The following PAM variants were observed in gnomAD, a reference collection of about 807,000 sequenced individuals.
The protein encoded by PAM is peptidylglycine alpha-amidating monooxygenase.
Under a neutral mutation model 122.1 loss-of-function variants are expected in PAM, and 72 were observed. The observed-to-expected ratio is 0.59, with a 90% confidence interval of 0.49 to 0.72. The LOEUF is 0.72. Among genes scored for constraint, PAM ranks in the 30% least tolerant of loss-of-function variants. The probability of loss-of-function intolerance (pLI) is 0.00; values close to 1 mark genes in which losing one functional copy is unlikely to be tolerated. For synonymous variants in PAM, 389 were observed against 404.4 expected, an observed-to-expected ratio of 0.96 and a Z score of 0.46; for missense variants, 1,106 against 1,183.7, an observed-to-expected ratio of 0.93 and a Z score of 0.96.
At chr5:102,895,780 C>G (rs747955512) in intron 3 of PAM, 2 of 151,600 alleles carry the variant, frequency 1.3e-5, no homozygotes, top group African/African-American at 2.4e-5. Context: ...CATTGAGGAG[C>G]CTTTGCTGTT....
chr5:102,968,144 A>C (rs2150352048), intron 14 of PAM, among the ~76,000 whole-genome samples: 1 of 152,328 alleles, frequency 6.6e-6, no homozygotes, highest in Admixed American at 6.5e-5. Flanking sequence ...ACAAAGAGAA[A>C]CCCAGTTAAA....
At chr5:102,881,065 T>G (rs914252174) in intron 3 of PAM, among the ~76,000 whole-genome samples, 5 of 149,180 alleles carry the variant, frequency 3.4e-5, no homozygotes, top group Admixed American at 6.7e-5. Flanking sequence ...AAGAAGATAT[T>G]TAAAAACTTA....
chr5:102,869,946 A>C (rs1786844717), intron 3 of PAM, among the ~76,000 whole-genome samples: 1 of 152,162 alleles, frequency 6.6e-6, no homozygotes, highest in South Asian at 2.1e-4. Flanking sequence ...AAATGAAAAA[A>C]AGGTCCAAGA....
rs746224480 is a variant in PAM at position 103,029,084 on chromosome 5, G to C, written c.*19G>C. 1.3e-5 allele frequency: 21 copies of C among 1,583,554 alleles called. No individual in the cohort carries two copies. The highest frequency in any genetic ancestry group is 1.8e-5 in the Admixed American group (1 of 54,434). ...CTCCTGAAAACCAAGCTTTGATTTA[G>C]ATTGAGTAAGATTTACCCAGAATGT... is the stretch of plus-strand genomic sequence containing the variant. On this transcript the variant is annotated 3_prime_UTR_variant, in exon 26 of 26. Transcript: ENST00000438793.
At chr5:102,963,930 A>G (rs1190328814) in intron 14 of PAM, among the ~76,000 whole-genome samples, 1 of 150,960 alleles carries the variant, frequency 6.6e-6, no homozygotes, top group African/African-American at 2.4e-5. Context: ...GAAAACAGGT[A>G]GAAAGATATA....
intron 1 of PAM, among the ~76,000 whole-genome samples, chr5:102,857,977 C>G (rs905248709): frequency 6.6e-6 from 1 of 152,272 alleles, no homozygotes; most frequent in South Asian, 2.1e-4. Flanking sequence ...GATTTGAATT[C>G]TTGCTCTATC....
chr5:102,819,466 C>G (rs1292968071), intron 1 of PAM, among the ~76,000 whole-genome samples: 1 of 151,482 alleles, frequency 6.6e-6, no homozygotes, highest in Non-Finnish European at 1.5e-5. Context: ...TGTAAATTTT[C>G]TCACCTTATT....
intron 1 of PAM, among the ~76,000 whole-genome samples, chr5:102,860,782 A>G (rs1783958795): frequency 6.6e-6 from 1 of 152,150 alleles, no homozygotes; most frequent in Non-Finnish European, 1.5e-5. Flanking sequence ...GCTGGAAGAC[A>G]TCAATTTAAT....
chr5:102,830,534 C>T (rs952484995), intron 1 of PAM, among the ~76,000 whole-genome samples: 9 of 152,318 alleles, frequency 5.9e-5, no homozygotes, highest in African/African-American at 2.2e-4. Flanking sequence ...TTACTACACC[C>T]TCAGCTCAGT....
intron 5 of PAM, among the ~76,000 whole-genome samples, chr5:102,922,762 T>G (rs1292349916): frequency 6.6e-6 from 1 of 152,248 alleles, no homozygotes; most frequent in Non-Finnish European, 1.5e-5. Context: ...TTATGATCTT[T>G]GTTGAAAGCT....
intron 1 of PAM, among the ~76,000 whole-genome samples, chr5:102,841,521 T>A (rs1281317669): frequency 6.6e-6 from 1 of 152,082 alleles, no homozygotes; most frequent in Non-Finnish European, 1.5e-5. Context: ...TGTATATTCA[T>A]AAAGACTTAA....
chr5:102,923,067 T>TAC (rs1748004160), intron 5 of PAM, among the ~76,000 whole-genome samples: 1 of 152,166 alleles, frequency 6.6e-6, no homozygotes, highest in South Asian at 2.1e-4. Context: ...TATTACACAT[T>TAC]ACACAATCTC....
At position 103,006,791 on chromosome 5, in the gene PAM, T is replaced by C. The variant is rs1206946367; in HGVS notation, c.1804-10T>C. On this transcript the variant is annotated splice_polypyrimidine_tract_variant and intron_variant, in intron 18 of 25. Coordinates refer to ENST00000438793, the MANE Select transcript of PAM (RefSeq NM_001177306.2). ...AAAAGTAGGTAAGGCTTTTGTTCCT[T>C]TTTAAAAAGGTGTTCAAACTGGATC... is the stretch of plus-strand genomic sequence containing the variant. 2.5e-6 allele frequency: 4 copies of C among 1,600,514 alleles called. No individual in the cohort carries two copies. The highest frequency in any genetic ancestry group is 3.4e-5 in the Admixed American group (2 of 59,008).
chr5:102,800,637 T>C (rs1764455079), intron 1 of PAM, among the ~76,000 whole-genome samples: 1 of 152,142 alleles, frequency 6.6e-6, no homozygotes, highest in Non-Finnish European at 1.5e-5. Context: ...CATTGCTTCC[T>C]TTTTCACAAA....
chr5:102,881,751 G>GT lies in PAM; in HGVS notation c.210+14364dup, dbSNP rs1468004289. 3.3e-5 allele frequency among the ~76,000 whole-genome samples: 5 copies of GT among 150,788 alleles called. No homozygotes were observed. In the South Asian group the frequency reaches 8.5e-4, roughly 26 times the overall value. The stretch of plus-strand genomic sequence containing the variant: ...GGTGTTTCTTTGGTTACGTGAATAA[G>GT]TTTTTTAGTGGTGATTTCTGAGACT... On this transcript the variant is annotated intron_variant, in intron 3 of 25. Coordinates refer to ENST00000438793, the MANE Select transcript of PAM (RefSeq NM_001177306.2).
At chr5:103,006,467 C>A (rs1302129064) in intron 18 of PAM, among the ~76,000 whole-genome samples, 1 of 152,114 alleles carries the variant, frequency 6.6e-6, no homozygotes, top group African/African-American at 2.4e-5. Context: ...CATGTATTAT[C>A]TGGAGTGCAT....
chr5:102,886,543 T>C (rs1793160677), intron 3 of PAM, among the ~76,000 whole-genome samples: 1 of 152,016 alleles, frequency 6.6e-6, no homozygotes, highest in Non-Finnish European at 1.5e-5. Flanking sequence ...TATCTGTCAC[T>C]GTAATGTTAC....
chr5:102,898,611 A>G (rs1052177434), intron 3 of PAM, among the ~76,000 whole-genome samples: 2 of 151,662 alleles, frequency 1.3e-5, no homozygotes, highest in Non-Finnish European at 3.0e-5. Context: ...AATCTAGTTC[A>G]TTGCAGTTAG....
At chr5:102,811,682 A>G (rs964489133) in intron 1 of PAM, among the ~76,000 whole-genome samples, 5 of 152,224 alleles carry the variant, frequency 3.3e-5, no homozygotes, top group African/African-American at 1.2e-4. Context: ...GGCTGATTTA[A>G]TCTACATTAA....
Sources: gnomAD v4.1 joint callset for allele counts (sites outside exome capture counted in the v4.1 genomes callset) on GRCh38, gnomAD v4.1.1 for gene constraint, MANE v1.5 for transcripts, NCBI Gene and HGNC (gene_info 2026-07-23, HGNC 2026-07-21) for gene names.